The following NBPF26 variants were observed in gnomAD, a reference collection of about 807,000 sequenced individuals.
The protein encoded by NBPF26 is NBPF member 26, also known as NBPF family member NBPF26.
A neutral mutation model predicts 119.6 loss-of-function variants in NBPF26; 79 were observed. That is an observed-to-expected ratio of 0.66 (90% CI 0.55 to 0.80). The LOEUF (loss-of-function observed/expected upper bound fraction) is 0.80. NBPF26 is among the 30% of genes least tolerant of loss of function. The probability of loss-of-function intolerance (pLI) is 0.00; values close to 1 mark genes in which losing one functional copy is unlikely to be tolerated. For missense variants in NBPF26, 800 were observed against 1,198.2 expected (o/e 0.67, Z 4.91); for synonymous variants, 299 against 457.7 (o/e 0.65, Z 4.43).
rs1305763804 is a variant in NBPF26, at chr1:120,838,460, G to A, written c.3822-285G>A. On this transcript the variant is annotated intron_variant, in intron 27 of 29. Transcript: ENST00000620612. ...AGAGTGTCCTGTTACTCCCTCATCA[G>A]TGTGTCACCTGGACAATTCACTGAG... Among the ~76,000 whole-genome samples the A allele has an allele frequency of 2.6e-3, 136 of 52,910 alleles. 3 individuals are homozygous for A. Among genetic ancestry groups the A allele is most frequent in the African/African-American group, 0.013 (132 of 9,786 alleles). 34.7% of individuals were successfully genotyped at this position (52,910 alleles called of 152,430 possible).
At chr1:120,752,552 ATATT>A (rs1651032075) in intron 1 of NBPF26, among the ~76,000 whole-genome samples, 1 of 8,976 alleles carries the variant, frequency 1.1e-4, no homozygotes, top group Non-Finnish European at 1.7e-4. Flanking sequence ...ATATATATAT[ATATT>A]TTTTTTTTTT....
At chr1:120,801,402 A>T (rs2101480962) in intron 4 of NBPF26, among the ~76,000 whole-genome samples, 1 of 114,490 alleles carries the variant, frequency 8.7e-6, no homozygotes, top group East Asian at 2.0e-4. Flanking sequence ...ATGGTAAAAG[A>T]CACTGAAATA....
In NBPF26 at chr1:120,787,175, TAATATA is replaced by T. The variant is rs1341393978; in HGVS notation, c.415+1943_415+1948del. On this transcript the variant is annotated intron_variant, in intron 3 of 29. Transcript: ENST00000620612. ...ACCCAAAGTGTCTTGGTGGCAATCT[TAATATA>T]TATATATTGGCAATCTTTATATATA... 5.4e-5 allele frequency among the ~76,000 whole-genome samples: 5 copies of T among 92,336 alleles called. No individual in the cohort carries two copies. In the East Asian group the frequency reaches 1.3e-3, roughly 24 times the overall value. 60.6% of individuals were successfully genotyped at this position (92,336 alleles called of 152,430 possible).
In NBPF26 at chr1:120,815,138, T is replaced by G; in HGVS notation, c.2092+95T>G. The G allele has an allele frequency of 3.0e-6, 4 of 1,318,778 alleles. 1 individual carries two copies. Among genetic ancestry groups the G allele is most frequent in the Non-Finnish European group, 4.2e-6 (4 of 962,686 alleles). 81.7% of individuals were successfully genotyped at this position (1,318,778 alleles called of 1,614,324 possible). A position where few individuals can be genotyped will look rare whatever the true frequency, so the allele number is the denominator to read the frequency against. ...CACAATGACAGTTGTATCAGTGGTG[T>G]TTTTTTCCACTAAGCTTATGTGGCC... On this transcript the variant is annotated intron_variant, in intron 12 of 29. Coordinates refer to ENST00000620612, the Ensembl canonical transcript of NBPF26.
intron 2 of NBPF26, among the ~76,000 whole-genome samples, chr1:120,784,419 T>C (rs1651399315): frequency 8.5e-6 from 1 of 117,114 alleles, no homozygotes; most frequent in South Asian, 2.5e-4. Context: ...GCTCCAGATA[T>C]TCTTGCTGTT....
intron 4 of NBPF26, among the ~76,000 whole-genome samples, chr1:120,805,258 C>T (rs1651652608): frequency 8.0e-6 from 1 of 125,576 alleles, no homozygotes; most frequent in South Asian, 2.4e-4. Flanking sequence ...CCTAAGTTTC[C>T]ATGACACCCC....
rs1445924429 is a variant in NBPF26, at chr1:120,770,265, G to T, written c.155+6556G>T. ...GCTCACTGCAAGCTCCGCCTCCCGGGTTCATGCCATTCTCCTGCCTCAGCC... is the reference window on the plus strand; with the variant it reads ...GCTCACTGCAAGCTCCGCCTCCCGGTTTCATGCCATTCTCCTGCCTCAGCC... On this transcript the variant is annotated intron_variant, in intron 2 of 29. Coordinates refer to ENST00000620612, the Ensembl canonical transcript of NBPF26. Among the ~76,000 whole-genome samples the T allele has an allele frequency of 3.1e-4, 33 of 105,698 alleles. 4 individuals are homozygous for T. The highest frequency in any genetic ancestry group is 4.1e-4 in the Non-Finnish European group (23 of 56,746). 69.3% of individuals were successfully genotyped at this position (105,698 alleles called of 152,430 possible). A position where few individuals can be genotyped will look rare whatever the true frequency, so the allele number is the denominator to read the frequency against.
At chr1:120,808,240 G>A (rs1346097479) in intron 6 of NBPF26, among the ~76,000 whole-genome samples, 8 of 120,674 alleles carry the variant, frequency 6.6e-5, no homozygotes, top group African/African-American at 2.5e-4. Flanking sequence ...AATGTCCATG[G>A]CCAGAGTGAG....
At chr1:120,825,310 C>G (rs1400201128) in intron 18 of NBPF26, among the ~76,000 whole-genome samples, 122 of 121,216 alleles carry the variant, frequency 1.0e-3, no homozygotes, top group African/African-American at 1.5e-3. Context: ...CTCTCTCTCT[C>G]TCTCCCTCTC....
In NBPF26 at chr1:120,804,356, A is replaced by G. The variant is rs1476747662; in HGVS notation, c.752-1200A>G. ...CAGCAACACTGAGGATCGCCAACCA[A>G]CCCTGACCATAACCTTGATCTTGCC... On this transcript the variant is annotated intron_variant, in intron 4 of 29. Transcript: ENST00000620612. Among the ~76,000 whole-genome samples, 172 of 103,498 alleles carry G rather than the reference A, an allele frequency of 1.7e-3. 19 individuals are homozygous for G. In the East Asian group the frequency reaches 0.035, roughly 21 times the overall value. 67.9% of individuals were successfully genotyped at this position (103,498 alleles called of 152,430 possible).
rs1553272095 is a variant in NBPF26 at position 120,822,149 on chromosome 1, G to A, written c.2469G>A (p.Trp823Ter). The A allele has an allele frequency of 6.1e-6, 8 of 1,315,494 alleles. 1 individual carries two copies. The highest frequency in any genetic ancestry group is 6.2e-6 in the Non-Finnish European group (6 of 975,102). 81.5% of individuals were successfully genotyped at this position (1,315,494 alleles called of 1,614,324 possible). A position where few individuals can be genotyped will look rare whatever the true frequency, so the allele number is the denominator to read the frequency against. ...AGGAGGAAGTCCCCCAGGAGTCCTG[G>A]GATGAAGGTTATTCGACTCTCTCAA... is the stretch of plus-strand genomic sequence containing the variant. The change falls in exon 16 of 30, where the codon TGG (tryptophan) becomes TGA (stop). Residue 823 changes from tryptophan to a stop codon, truncating the protein, a stop_gained. Transcript: ENST00000620612. LOFTEE classifies it high-confidence loss of function.
intron 1 of NBPF26, among the ~76,000 whole-genome samples, chr1:120,727,309 C>T (rs1650826549): frequency 9.6e-6 from 1 of 104,554 alleles, no homozygotes; most frequent in East Asian, 2.3e-4. Context: ...TTTTTACCTT[C>T]AGGTGTGTGT....
intron 1 of NBPF26, among the ~76,000 whole-genome samples, chr1:120,755,944 T>G (rs1317831568): frequency 9.4e-6 from 1 of 106,354 alleles, no homozygotes; most frequent in African/African-American, 5.9e-5. Flanking sequence ...TTTTTTTTTT[T>G]TTTTTTTTTT....
chr1:120,751,584 G>A (rs1651021565), intron 1 of NBPF26, among the ~76,000 whole-genome samples: 1 of 53,178 alleles, frequency 1.9e-5, no homozygotes, highest in Admixed American at 2.2e-4. Flanking sequence ...GTAGGCCAGG[G>A]CATCTGCTCG....
At position 120,790,077 on chromosome 1, in the gene NBPF26, G is replaced by A. The variant is rs1379643929; in HGVS notation, c.416-3084G>A. ...TGTCATCCAGGCTGGAGTGCAGGGC[G>A]CAATCTCGGTTCACTGCAAGTTCCA... On this transcript the variant is annotated intron_variant, in intron 3 of 29. Coordinates refer to ENST00000620612, the Ensembl canonical transcript of NBPF26. 2.4e-4 allele frequency among the ~76,000 whole-genome samples: 20 copies of A among 83,292 alleles called. 6 individuals are homozygous for A. The highest frequency in any genetic ancestry group is 1.2e-3 in the African/African-American group (13 of 10,748). 54.6% of individuals were successfully genotyped at this position (83,292 alleles called of 152,430 possible).
At chr1:120,787,691 TGTA>T (rs1228076019) in intron 3 of NBPF26, among the ~76,000 whole-genome samples, 1 of 36,220 alleles carries the variant, frequency 2.8e-5, no homozygotes, top group African/African-American at 3.5e-4. Context: ...TTACACCTGA[TGTA>T]GTACAACTAT....
At chr1:120,816,265 G>C in intron 13 of NBPF26, 108 bp downstream of exon 13, 2 of 673,952 alleles carry the variant, frequency 3.0e-6, no homozygotes, top group Admixed American at 2.6e-5. Flanking sequence ...GCATTCGCTT[G>C]GCCACAGTAT....
chr1:120,782,405 A>G (rs1357429021), intron 2 of NBPF26, among the ~76,000 whole-genome samples: 4 of 128,392 alleles, frequency 3.1e-5, no homozygotes, highest in Non-Finnish European at 1.6e-5. Flanking sequence ...CACCACCATT[A>G]TCTAATTTCG....
At chr1:120,833,469 T>G in intron 23 of NBPF26, 134 bp from the exon 28 acceptor site, 1 of 536,232 alleles carries the variant, frequency 1.9e-6, no homozygotes, top group Non-Finnish European at 3.1e-6. Flanking sequence ...ATAAAGGCAA[T>G]AATTTGTTAC....
Sources: allele counts gnomAD v4.1 joint callset (sites outside exome capture counted in the v4.1 genomes callset), GRCh38; gene constraint gnomAD v4.1.1; transcripts MANE v1.5; gene names NCBI Gene and HGNC (gene_info 2026-07-23, HGNC 2026-07-21).